Variants in PTPRD observed in about 807,000 individuals in gnomAD.
PTPRD encodes the protein receptor-type tyrosine-protein phosphatase delta.
Under a neutral mutation model 214.5 loss-of-function variants are expected in PTPRD, and 34 were observed. The ratio of observed to expected loss-of-function variants is 0.16; its 90% CI spans 0.12 to 0.21. The LOEUF is 0.21. Ranked by LOEUF, PTPRD falls within the 10% of genes least tolerant of loss-of-function variation. The pLI is 1.00. For missense variants in PTPRD, 2,545 were observed against 2,398.7 expected (o/e 1.06, Z -1.27); for synonymous variants, 1,128 against 845.7 (o/e 1.33, Z -5.79).
At chr9:9,050,324 T>C (rs935989201) in intron 10 of PTPRD, among the ~76,000 whole-genome samples, 4 of 152,140 alleles carry the variant, frequency 2.6e-5, no homozygotes, top group African/African-American at 4.8e-5. Context: ...GGCAGTAAAG[T>C]TCAGAAATGT....
At position 10,364,993 on chromosome 9, in the gene PTPRD, G is replaced by GCTC. The variant is rs536010526; in HGVS notation, c.-599-23979_-599-23977dup. Among the ~76,000 whole-genome samples, 885 of 152,258 alleles carry GCTC rather than the reference G, an allele frequency of 5.8e-3. 5 individuals carry two copies. The highest frequency in any genetic ancestry group is 9.9e-3 in the Non-Finnish European group (675 of 68,018). ...GCTGTGCTGAATGATATTACCACCT[G>GCTC]CTCATTAATTAGGAATCTCAGAGAC... On this transcript the variant is annotated intron_variant, in intron 2 of 45. Coordinates refer to ENST00000381196, the MANE Select transcript of PTPRD (RefSeq NM_002839.4).
chr9:9,195,195 C>A (rs935711756), intron 9 of PTPRD, among the ~76,000 whole-genome samples: 1 of 151,182 alleles, frequency 6.6e-6, no homozygotes, highest in African/African-American at 2.4e-5. Context: ...GCCCTCAAAG[C>A]TATGAAAACT....
chr9:8,504,023 C>A (rs1205853234), intron 23 of PTPRD, among the ~76,000 whole-genome samples: 2 of 152,176 alleles, frequency 1.3e-5, no homozygotes, highest in Non-Finnish European at 2.9e-5. Flanking sequence ...TGGACGTCTA[C>A]TACCTTCTTT....
At chr9:9,288,434 TAAAA>T (rs1260901513) in intron 9 of PTPRD, among the ~76,000 whole-genome samples, 1 of 151,840 alleles carries the variant, frequency 6.6e-6, no homozygotes, top group African/African-American at 2.4e-5. Context: ...AATAAATACT[TAAAA>T]AACACGTAAA....
chr9:8,669,881 G>A lies in PTPRD; in HGVS notation c.65-33037C>T, dbSNP rs76195437. Reference sequence around the variant, plus strand: ...AGCAGTACTGTAGGAAGGAGGAGTGGGAAGTTAATCAAATATCAAGCAAGA... The same window carrying A: ...AGCAGTACTGTAGGAAGGAGGAGTGAGAAGTTAATCAAATATCAAGCAAGA... On this transcript the variant is annotated intron_variant, in intron 12 of 45. Transcript: ENST00000381196. Among the ~76,000 whole-genome samples, 573 of 152,122 alleles carry A rather than the reference G, an allele frequency of 3.8e-3. 3 individuals are homozygous for A. Among genetic ancestry groups the A allele is most frequent in the African/African-American group, 0.013 (541 of 41,502 alleles).
chr9:9,435,569 T>G (rs1386954785), intron 8 of PTPRD, among the ~76,000 whole-genome samples: 3 of 152,180 alleles, frequency 2.0e-5, no homozygotes, highest in Non-Finnish European at 4.4e-5. Flanking sequence ...TTTATTACAC[T>G]TCATCATCTT....
intron 10 of PTPRD, among the ~76,000 whole-genome samples, chr9:9,083,959 T>A (rs759804303): frequency 6.6e-6 from 1 of 151,880 alleles, no homozygotes; most frequent in African/African-American, 2.4e-5. Flanking sequence ...TTGGTGGGAG[T>A]GTAAATTAGT....
chr9:10,230,436 G>GTATCTATGTATCTATCTATC (rs1554901383), intron 3 of PTPRD, among the ~76,000 whole-genome samples: 86 of 140,738 alleles, frequency 6.1e-4, no homozygotes, highest in Non-Finnish European at 8.2e-4. Context: ...ATGTATCTAT[G>GTATCTATGTATCTATCTATC]TATCTATCTA....
At chr9:8,935,203 C>A (rs1281163438) in intron 11 of PTPRD, among the ~76,000 whole-genome samples, 2 of 151,902 alleles carry the variant, frequency 1.3e-5, no homozygotes, top group African/African-American at 4.8e-5. Flanking sequence ...ATATAGAATA[C>A]CCTAAAGACT....
chr9:9,990,667 G>C (rs143443848), intron 4 of PTPRD, among the ~76,000 whole-genome samples: 148 of 152,348 alleles, frequency 9.7e-4, no homozygotes, highest in African/African-American at 3.5e-3. Context: ...ATGACTGTGA[G>C]GGGTGAGCTG....
intron 3 of PTPRD, among the ~76,000 whole-genome samples, chr9:10,205,354 A>G (rs1188717635): frequency 6.6e-6 from 1 of 150,986 alleles, no homozygotes; most frequent in Non-Finnish European, 1.5e-5. Flanking sequence ...TTGTGGCCAC[A>G]ATTCTTCTTC....
At chr9:10,033,491 A>T (rs947723561) in intron 4 of PTPRD, among the ~76,000 whole-genome samples, 1 of 151,984 alleles carries the variant, frequency 6.6e-6, no homozygotes, top group Non-Finnish European at 1.5e-5. Context: ...ATTCCAGCAC[A>T]TAATTTTTGT....
chr9:10,556,080 A>T (rs1435344260), intron 2 of PTPRD, among the ~76,000 whole-genome samples: 1 of 152,180 alleles, frequency 6.6e-6, no homozygotes, highest in East Asian at 1.9e-4. Context: ...ACTGTTTTTT[A>T]TACTTCTGAG....
At chr9:10,047,927 CT>C in intron 3 of PTPRD, among the ~76,000 whole-genome samples, 1 of 152,268 alleles carries the variant, frequency 6.6e-6, no homozygotes, top group Admixed American at 6.5e-5. Flanking sequence ...TACTCTATTT[CT>C]TTTCCTGTCT....
At chr9:8,374,592 T>A (rs1045576486) in intron 39 of PTPRD, among the ~76,000 whole-genome samples, 6 of 152,014 alleles carry the variant, frequency 3.9e-5, no homozygotes, top group Admixed American at 1.3e-4. Flanking sequence ...TTCTTAGTTA[T>A]CAGTACTTGA....
chr9:8,944,958 C>A (rs960748785), intron 11 of PTPRD, among the ~76,000 whole-genome samples: 1 of 151,856 alleles, frequency 6.6e-6, no homozygotes, highest in Non-Finnish European at 1.5e-5. Context: ...GTAGATACCC[C>A]CTTTACTCTG....
intron 3 of PTPRD, among the ~76,000 whole-genome samples, chr9:10,310,896 AC>A (rs2096249885): frequency 6.6e-6 from 1 of 152,036 alleles, no homozygotes; most frequent in Non-Finnish European, 1.5e-5. Flanking sequence ...GTCCAAAAGA[AC>A]TTTGAGAACA....
At chr9:10,507,323 T>G (rs1273452379) in intron 2 of PTPRD, among the ~76,000 whole-genome samples, 1 of 152,026 alleles carries the variant, frequency 6.6e-6, no homozygotes, top group East Asian at 1.9e-4. Context: ...GGAAGAACAT[T>G]CCATGCTCAT....
Position 8,991,117 on chromosome 9 carries a change from G to A in PTPRD, c.-104+27580C>T, listed in dbSNP as rs1302884352. The stretch of plus-strand genomic sequence containing the variant: ...GCCTGTAGTCCCAGCTACTCGGGAG[G>A]CTGAGGCAGGAGAATCACTTGAACA... On this transcript the variant is annotated intron_variant, in intron 11 of 45. Transcript: ENST00000381196. Among the ~76,000 whole-genome samples, 3 of 151,712 alleles carry A rather than the reference G, an allele frequency of 2.0e-5. No homozygotes were observed. In the South Asian group the frequency reaches 6.2e-4, roughly 32 times the overall value.
Sources: allele counts gnomAD v4.1 joint callset (sites outside exome capture counted in the v4.1 genomes callset), GRCh38; gene constraint gnomAD v4.1.1; transcripts MANE v1.5; gene names NCBI Gene and HGNC (gene_info 2026-07-23, HGNC 2026-07-21).